Variants in GATAD2A observed in about 807,000 individuals in gnomAD.
GATAD2A encodes the protein GATA zinc finger domain containing 2A.
Under a neutral mutation model 68.5 loss-of-function variants are expected in GATAD2A, and 12 were observed. That is an observed-to-expected ratio of 0.18 (90% CI 0.11 to 0.28). GATAD2A has a LOEUF of 0.28. GATAD2A is among the 10% of genes least tolerant of loss of function. The pLI is 1.00. For missense variants in GATAD2A, 755 were observed against 868.5 expected, an observed-to-expected ratio of 0.87 and a Z score of 1.64; for synonymous variants, 410 against 375.3, an observed-to-expected ratio of 1.09 and a Z score of -1.07.
intron 1 of GATAD2A, among the ~76,000 whole-genome samples, chr19:19,423,063 G>A (rs866610490): frequency 4.6e-5 from 7 of 152,214 alleles, no homozygotes; most frequent in African/African-American, 1.7e-4. Context: ...CTGGCGTGCA[G>A]TGGCACAAAA....
chr19:19,413,875 G>T (rs1277619654), intron 1 of GATAD2A, among the ~76,000 whole-genome samples: 1 of 152,300 alleles, frequency 6.6e-6, no homozygotes, highest in Admixed American at 6.5e-5. Flanking sequence ...GTAAACCACC[G>T]TGCCTGGCTG....
chr19:19,407,552 A>G (rs1330841689), intron 1 of GATAD2A, among the ~76,000 whole-genome samples: 1 of 152,174 alleles, frequency 6.6e-6, no homozygotes, highest in African/African-American at 2.4e-5. Flanking sequence ...AGAGCCCACA[A>G]ATGCTGCAGT....
Position 19,492,388 on chromosome 19 carries a change from A to G in GATAD2A, c.352A>G (p.Asn118Asp), listed in dbSNP as rs1311674348. ...DNEQPSSPRV[N>D]GLTTVALKET... is the part of the protein sequence containing the mutation. ...CGAGCAGCCCTCGAGCCCGAGAGTG[A>G]ATGGGCTGACCACGGTGGCCTTGAA... Residue 118 changes from asparagine to aspartate, a missense_variant, in exon 3 of 12, where the codon AAT (asparagine) becomes GAT (aspartate). Physicochemically the swap from Asn to Asp is conservative, Grantham distance 23. Transcript: ENST00000683918. 1 of 1,613,734 alleles carries G rather than the reference A, an allele frequency of 6.2e-7. No individual in the cohort carries two copies. The highest frequency in any genetic ancestry group is 8.5e-7 in the Non-Finnish European group (1 of 1,179,782).
intron 2 of GATAD2A, among the ~76,000 whole-genome samples, chr19:19,482,369 A>G (rs983551369): frequency 2.6e-5 from 4 of 152,156 alleles, no homozygotes; most frequent in Non-Finnish European, 5.9e-5. Flanking sequence ...GCGCCACTGC[A>G]CTCCATCCTG....
rs2060838357 is a variant in GATAD2A at position 19,505,703 on chromosome 19, C to T, written c.*229C>T. On this transcript the variant is annotated 3_prime_UTR_variant, in exon 12 of 12. Coordinates refer to ENST00000683918, the MANE Select transcript of GATAD2A (RefSeq NM_001384528.1). ...GCAGACGAGGATCATCGCTGGGGGA[C>T]CTTTCCCGTGGGCTTTCTTCCTTTC... 9 of 478,030 alleles carry T rather than the reference C, an allele frequency of 1.9e-5. No homozygotes were observed. The highest frequency in any genetic ancestry group is 2.9e-5 in the Non-Finnish European group (8 of 274,064). The allele number at this position is 478,030 out of a possible 1,614,324, so 29.6% of individuals were successfully genotyped here.
rs369972118 is a variant in GATAD2A at position 19,460,544 on chromosome 19, C to G, written c.-6-4796C>G. Among the ~76,000 whole-genome samples, 46 of 152,266 alleles carry G rather than the reference C, an allele frequency of 3.0e-4. 1 individual carries two copies. In the South Asian group the frequency reaches 8.3e-3, roughly 27 times the overall value. On this transcript the variant is annotated intron_variant, in intron 1 of 11. Transcript: ENST00000683918. ...TGCCTCCTGAGGACAGTGGCTGCCC[C>G]CAGGTTCAGGGCTCTGCTCCTCAGC...
intron 1 of GATAD2A, among the ~76,000 whole-genome samples, chr19:19,448,236 C>T (rs565636522): frequency 7.2e-5 from 11 of 152,342 alleles, no homozygotes; most frequent in African/African-American, 1.7e-4. Flanking sequence ...TAAGACTGCC[C>T]GGACTCCCCC....
chr19:19,421,068 T>TC (rs1169189770), intron 1 of GATAD2A, among the ~76,000 whole-genome samples: 3 of 152,178 alleles, frequency 2.0e-5, no homozygotes, highest in Non-Finnish European at 4.4e-5. Flanking sequence ...GGTCAGGTCC[T>TC]CCCCATCCTG....
At position 19,505,997 on chromosome 19, in the gene GATAD2A, A is replaced by G; in HGVS notation, c.*523A>G. On this transcript the variant is annotated 3_prime_UTR_variant, in exon 12 of 12. Coordinates refer to ENST00000683918, the MANE Select transcript of GATAD2A (RefSeq NM_001384528.1). ...GATTTTTTTTTTTTTTAATCACCTC[A>G]TGATGATGGAGTTAAAAGTAAACCG... is the stretch of plus-strand genomic sequence containing the variant. 1 of 398,066 alleles carries G rather than the reference A, an allele frequency of 2.5e-6. No individual in the cohort carries two copies. Among genetic ancestry groups the G allele is most frequent in the East Asian group, 3.6e-5 (1 of 28,014 alleles). 24.7% of individuals were successfully genotyped at this position (398,066 alleles called of 1,614,324 possible).
intron 2 of GATAD2A, among the ~76,000 whole-genome samples, chr19:19,482,874 A>G (rs2059152507): frequency 6.6e-6 from 1 of 151,868 alleles, no homozygotes; most frequent in Admixed American, 6.6e-5. Flanking sequence ...ATTGGGCTGC[A>G]GTGGCCTCTG....
At chr19:19,493,218 C>A (rs576091021) in intron 4 of GATAD2A, among the ~76,000 whole-genome samples, 2 of 152,174 alleles carry the variant, frequency 1.3e-5, no homozygotes, top group Non-Finnish European at 2.9e-5. Context: ...GGATTACAGG[C>A]GTGAGCCACT....
At chr19:19,471,245 A>C (rs1316318169) in intron 2 of GATAD2A, among the ~76,000 whole-genome samples, 1 of 132,716 alleles carries the variant, frequency 7.5e-6, no homozygotes, top group Non-Finnish European at 1.6e-5. Flanking sequence ...ACAGAACAAG[A>C]CTGTCTCAAA....
chr19:19,480,067 A>G (rs1832411379), intron 2 of GATAD2A, among the ~76,000 whole-genome samples: 1 of 151,854 alleles, frequency 6.6e-6, no homozygotes, highest in South Asian at 2.1e-4. Flanking sequence ...TCGGCTCCCA[A>G]AGTGCTAGGA....
chr19:19,452,900 G>A (rs1242534136), intron 1 of GATAD2A, among the ~76,000 whole-genome samples: 1 of 152,120 alleles, frequency 6.6e-6, no homozygotes, highest in African/African-American at 2.4e-5. Flanking sequence ...GTCCTCCTGT[G>A]CGTCCCCTCA....
chr19:19,435,804 C>T (rs1365513708), intron 1 of GATAD2A, among the ~76,000 whole-genome samples: 3 of 152,160 alleles, frequency 2.0e-5, no homozygotes, highest in Non-Finnish European at 4.4e-5. Flanking sequence ...GAGCCGAGAT[C>T]GTGCCACTTC....
intron 1 of GATAD2A, among the ~76,000 whole-genome samples, chr19:19,417,467 C>T (rs1345229378): frequency 2.0e-5 from 3 of 152,018 alleles, no homozygotes; most frequent in Non-Finnish European, 4.4e-5. Flanking sequence ...ATCCACAGCT[C>T]CTGTGGAGAA....
At chr19:19,444,945 A>G (rs2055540410) in intron 1 of GATAD2A, among the ~76,000 whole-genome samples, 1 of 151,138 alleles carries the variant, frequency 6.6e-6, no homozygotes. Flanking sequence ...GGCCTGTGAT[A>G]AGGCCTGGCT....
Position 19,421,816 on chromosome 19 carries a change from T to C in GATAD2A, c.-7+15797T>C, listed in dbSNP as rs545277115. ...AGATTTCTTCAGACCTTCTCTCTCT[T>C]TTTTTTTTTTCTTCTTTTTTGAGAC... On this transcript the variant is annotated intron_variant, in intron 1 of 11. Transcript: ENST00000683918. Among the ~76,000 whole-genome samples, 20 of 149,874 alleles carry C rather than the reference T, an allele frequency of 1.3e-4. No individual in the cohort carries two copies. The South Asian group carries it at 3.4e-3, about 25-fold the overall frequency.
At chr19:19,409,182 A>C (rs889634036) in intron 1 of GATAD2A, among the ~76,000 whole-genome samples, 1 of 152,176 alleles carries the variant, frequency 6.6e-6, no homozygotes, top group East Asian at 1.9e-4. Flanking sequence ...AAGCCTGGGC[A>C]GCTCAGATGC....
Sources: allele counts gnomAD v4.1 joint callset (sites outside exome capture counted in the v4.1 genomes callset), GRCh38; gene constraint gnomAD v4.1.1; transcripts MANE v1.5; gene names NCBI Gene and HGNC (gene_info 2026-07-23, HGNC 2026-07-21).